Variants in GDF1 observed in about 807,000 individuals in gnomAD.
GDF1 encodes growth differentiation factor 1, also known as embryonic growth/differentiation factor 1.
GDF1 carries 8 observed loss-of-function variants against 7.4 expected under a neutral mutation model. That is an observed-to-expected ratio of 1.09 (90% CI 0.64 to 1.96). The LOEUF (loss-of-function observed/expected upper bound fraction) is 1.96. Among genes scored for constraint, GDF1 ranks in the 30% most tolerant of loss-of-function variants. GDF1 has a pLI of 0.00. For missense variants in GDF1, 574 were observed against 551.5 expected, an observed-to-expected ratio of 1.04 and a Z score of -0.41; for synonymous variants, 311 against 276.7, an observed-to-expected ratio of 1.12 and a Z score of -1.23.
Position 18,868,588 on chromosome 19 carries a change from C to CGCCCCGGGT in GDF1, c.1119_*8dup, listed in dbSNP as rs1002639796. The CGCCCCGGGT allele has an allele frequency of 5.2e-6, 8 of 1,548,480 alleles. No individual in the cohort carries two copies. The African/African-American group carries it at 1.1e-4, about 21-fold the overall frequency. ...TTATTGTTGGGCCCGCGTCCCTGCC[C>CGCCCCGGGT]GCCCCGGGTTAGCGGCAGCCGCACT... is the stretch of plus-strand genomic sequence containing the variant. On this transcript the variant is annotated 3_prime_UTR_variant, in exon 8 of 8. Transcript: ENST00000247005.
chr19:18,880,556 C>A, intron 3 of GDF1, 121 bp from the exon 4 acceptor site: 4 of 954,294 alleles, frequency 4.2e-6, no homozygotes, highest in Non-Finnish European at 6.0e-6. Flanking sequence ...CTCTTCAAAG[C>A]CACCCTTCCT....
At chr19:18,879,120 G>T in intron 5 of GDF1, 81 bp from the exon 6 acceptor site, 1 of 1,585,506 alleles carries the variant, frequency 6.3e-7, no homozygotes, top group Non-Finnish European at 8.6e-7. Flanking sequence ...CTCCTGTCCC[G>T]GGCCCTCCAC....
intron 3 of GDF1, chr19:18,881,966 T>G (rs977758819): frequency 2.0e-5 from 3 of 152,408 alleles, no homozygotes; most frequent in Non-Finnish European, 4.4e-5. Flanking sequence ...CTCATCACCA[T>G]GCCCAGCTAA....
Position 18,896,105 on chromosome 19 carries a change from C to A in GDF1, c.-1355G>T. ...GCTCGCCCGCCGTGCCCGTCGCCTG[C>A]GCCCGCCCGCGGTAGCCGACGGAGC... is the stretch of plus-strand genomic sequence containing the variant. On this transcript the variant is annotated 5_prime_UTR_variant, in exon 1 of 8. Coordinates refer to ENST00000247005, the MANE Select transcript of GDF1 (RefSeq NM_001492.6). The surrounding 1 kb of genome is among the most constrained non-coding windows in gnomAD (Gnocchi z 5.9). 1.2e-6 allele frequency: 1 copy of A among 862,856 alleles called. No individual in the cohort carries two copies. Among genetic ancestry groups the A allele is most frequent in the Non-Finnish European group, 1.4e-6 (1 of 721,168 alleles). The allele number at this position is 862,856 out of a possible 1,614,324, so 53.4% of individuals were successfully genotyped here.
At chr19:18,872,335 G>GTTATC (rs2055985394) in intron 6 of GDF1, among the ~76,000 whole-genome samples, 1 of 152,068 alleles carries the variant, frequency 6.6e-6, no homozygotes, top group South Asian at 2.1e-4. Flanking sequence ...GCTTTTCTCT[G>GTTATC]TTATCTTTTT....
chr19:18,889,621 C>T (rs1484439732), intron 2 of GDF1, among the ~76,000 whole-genome samples: 5 of 152,148 alleles, frequency 3.3e-5, no homozygotes, highest in South Asian at 2.1e-4. Context: ...GTAGAGATGG[C>T]GTCTCACTAT....
chr19:18,870,633 C>G lies in GDF1; in HGVS notation c.-312-14G>C. The stretch of plus-strand genomic sequence containing the variant: ...CTCAGTGGCTTCCTGGGGGTCAGAA[C>G]CGGCGCAGGTTAGCCTGGGAGCCCC... On this transcript the variant is annotated splice_polypyrimidine_tract_variant and intron_variant, in intron 6 of 7. Transcript: ENST00000247005. The surrounding 1 kb of genome is among the most constrained non-coding windows in gnomAD (Gnocchi z 5.1). 2 of 564,528 alleles carry G rather than the reference C, an allele frequency of 3.5e-6. No individual in the cohort carries two copies. The highest frequency in any genetic ancestry group is 5.2e-5 in the South Asian group (2 of 38,562). The allele number at this position is 564,528 out of a possible 1,614,324, so 35.0% of individuals were successfully genotyped here. A position where few individuals can be genotyped will look rare whatever the true frequency, so the allele number is the denominator to read the frequency against.
chr19:18,868,621 C>G lies in GDF1; in HGVS notation c.1095G>C (p.Val365=). 6.4e-7 allele frequency: 1 copy of G among 1,569,972 alleles called. No homozygotes were observed. The change falls in exon 8 of 8, where the codon GTG becomes GTC. Residue 365 remains valine (V), a synonymous_variant. Coordinates refer to ENST00000247005, the MANE Select transcript of GDF1 (RefSeq NM_001492.6). ...NVVLRQYEDM[V]VDECGCR ...GTTAGCGGCAGCCGCACTCGTCCAC[C>G]ACCATGTCCTCATACTGCCGCAGCA...
intron 2 of GDF1, among the ~76,000 whole-genome samples, chr19:18,893,107 G>A (rs2056535060): frequency 6.6e-6 from 1 of 152,032 alleles, no homozygotes; most frequent in African/African-American, 2.4e-5. Flanking sequence ...TAGAGACGGG[G>A]TTTCACCATG....
Position 18,895,190 on chromosome 19 carries a change from G to A in GDF1, c.-1074+634C>T, listed in dbSNP as rs2056594652. ...CAGGCCCTTGCCATCCCTGGTCGGAGGGTGGCGCTGACCCCAGATAGGCAC... is the reference window on the plus strand; with the variant it reads ...CAGGCCCTTGCCATCCCTGGTCGGAAGGTGGCGCTGACCCCAGATAGGCAC... On this transcript the variant is annotated intron_variant, in intron 1 of 7. Transcript: ENST00000247005. The surrounding 1 kb of genome is among the most constrained non-coding windows in gnomAD (Gnocchi z 6.4). Among the ~76,000 whole-genome samples the A allele has an allele frequency of 6.6e-6, 1 of 152,244 alleles. No individual in the cohort carries two copies. The highest frequency in any genetic ancestry group is 6.5e-5 in the Admixed American group (1 of 15,292).
Position 18,878,345 on chromosome 19 carries a change from C to A in GDF1, c.-313+585G>T. ...GCTTCGGACACCATCTGGCTGTCACCCAGGGCTGGTGAGGCTCGTGGGCTA... is the reference window on the plus strand; with the variant it reads ...GCTTCGGACACCATCTGGCTGTCACACAGGGCTGGTGAGGCTCGTGGGCTA... On this transcript the variant is annotated intron_variant, in intron 6 of 7. Coordinates refer to ENST00000247005, the MANE Select transcript of GDF1 (RefSeq NM_001492.6). This position sits in a 1 kb window ranked among gnomAD's most constrained non-coding sequence, Gnocchi z 4.6. 3.0e-6 allele frequency: 3 copies of A among 986,156 alleles called. No individual in the cohort carries two copies. The highest frequency in any genetic ancestry group is 3.6e-6 in the Non-Finnish European group (3 of 830,654). 61.1% of individuals were successfully genotyped at this position (986,156 alleles called of 1,614,324 possible). A position where few individuals can be genotyped will look rare whatever the true frequency, so the allele number is the denominator to read the frequency against.
chr19:18,884,708 TC>T (rs1351051584), intron 2 of GDF1, among the ~76,000 whole-genome samples: 2 of 78,042 alleles, frequency 2.6e-5, no homozygotes, highest in Non-Finnish European at 5.0e-5. Flanking sequence ...CGCCCAGCCG[TC>T]TTTTTTTTTT....
chr19:18,889,642 T>C (rs1299109517), intron 2 of GDF1, among the ~76,000 whole-genome samples: 2 of 151,958 alleles, frequency 1.3e-5, no homozygotes, highest in South Asian at 2.1e-4. Flanking sequence ...ATTCCCAAGG[T>C]TGGTCTCGAA....
At chr19:18,888,198 A>G (rs1447881316) in intron 2 of GDF1, among the ~76,000 whole-genome samples, 1 of 152,040 alleles carries the variant, frequency 6.6e-6, no homozygotes, top group African/African-American at 2.4e-5. Flanking sequence ...CAGCTCTACT[A>G]AAATACTAAA....
chr19:18,880,542 G>A, intron 3 of GDF1, 107 bp from the exon 4 acceptor site: 1 of 1,161,610 alleles, frequency 8.6e-7, no homozygotes, highest in Admixed American at 2.8e-5. Flanking sequence ...GGCTCCCCGT[G>A]GGCCTCTTCA....
intron 6 of GDF1, among the ~76,000 whole-genome samples, chr19:18,875,319 G>A (rs566435589): frequency 1.3e-5 from 2 of 152,174 alleles, no homozygotes; most frequent in Non-Finnish European, 2.9e-5. Flanking sequence ...GCTGAGGCAG[G>A]AGGAACACTT....
intron 3 of GDF1, 126 bp downstream of exon 3, chr19:18,883,961 G>T: frequency 2.9e-6 from 3 of 1,028,340 alleles, no homozygotes; most frequent in Non-Finnish European, 2.8e-6. Flanking sequence ...CTCTGACCTT[G>T]GAACCCTGAG....
At chr19:18,874,044 G>A (rs1273753464) in intron 6 of GDF1, among the ~76,000 whole-genome samples, 2 of 152,084 alleles carry the variant, frequency 1.3e-5, no homozygotes, top group African/African-American at 4.8e-5. Context: ...GTGGAGAAGA[G>A]CAGAGAGCAC....
intron 6 of GDF1, among the ~76,000 whole-genome samples, chr19:18,875,209 G>A (rs995435861): frequency 4.0e-5 from 6 of 150,662 alleles, no homozygotes; most frequent in African/African-American, 9.8e-5. Flanking sequence ...GCGCTCCAGC[G>A]TGGGCGACAG....
Sources: gnomAD v4.1 joint callset for allele counts (sites outside exome capture counted in the v4.1 genomes callset) on GRCh38, gnomAD v4.1.1 for gene constraint, Gnocchi (gnomAD v3.1) non-coding constraint, MANE v1.5 for transcripts, NCBI Gene and HGNC (gene_info 2026-07-23, HGNC 2026-07-21) for gene names.